Variants in CDKAL1 observed in about 807,000 individuals in gnomAD.
The protein encoded by CDKAL1 is threonylcarbamoyladenosine tRNA methylthiotransferase.
A neutral mutation model predicts 68.2 loss-of-function variants in CDKAL1; 32 were observed. The observed-to-expected ratio is 0.47, with a 90% CI of 0.35 to 0.63. CDKAL1 has a LOEUF of 0.63. CDKAL1 is among the 30% of genes least tolerant of loss of function. The probability of loss-of-function intolerance (pLI) is 0.00; values close to 1 mark genes in which losing one functional copy is unlikely to be tolerated. For synonymous variants in CDKAL1, 234 were observed against 244.3 expected, an observed-to-expected ratio of 0.96 and a Z score of 0.39; for missense variants, 606 against 696.7, an observed-to-expected ratio of 0.87 and a Z score of 1.47.
At chr6:20,968,141 T>C (rs2150749400) in intron 10 of CDKAL1, among the ~76,000 whole-genome samples, 2 of 151,666 alleles carry the variant, frequency 1.3e-5, no homozygotes, top group East Asian at 3.9e-4. Context: ...ATTAATGTTC[T>C]TTTTTGTTCT....
chr6:20,585,183 A>T (rs2127694174), intron 4 of CDKAL1, among the ~76,000 whole-genome samples: 1 of 148,428 alleles, frequency 6.7e-6, no homozygotes, highest in Admixed American at 6.8e-5. Flanking sequence ...CAGCCTCCCC[A>T]GTAGCTGGGA....
At chr6:20,784,412 CTTTTTTTTTTTTTTTTT>C (rs1175015329) in intron 8 of CDKAL1, among the ~76,000 whole-genome samples, 2 of 33,494 alleles carry the variant, frequency 6.0e-5, no homozygotes, top group African/African-American at 1.2e-4. Flanking sequence ...TATTTTATTT[CTTTTTTTTTTTTTTTTT>C]TTTTTTTTTT....
At chr6:20,987,838 G>A (rs1442885437) in intron 10 of CDKAL1, among the ~76,000 whole-genome samples, 1 of 151,832 alleles carries the variant, frequency 6.6e-6, no homozygotes, top group Non-Finnish European at 1.5e-5. Context: ...GGAGTGTAGT[G>A]GCACAATCAC....
At position 21,198,524 on chromosome 6, in the gene CDKAL1, G is replaced by C. The variant is rs142966990; in HGVS notation, c.1383+420G>C. 3.3e-3 allele frequency among the ~76,000 whole-genome samples: 507 copies of C among 152,210 alleles called. 3 individuals carry two copies. Among genetic ancestry groups the C allele is most frequent in the African/African-American group, 0.011 (443 of 41,502 alleles). ...CATCACCCGGACAGTTTTTTTAGTT[G>C]GTTGGTTGATTGGTTGGTTGGTTGG... On this transcript the variant is annotated intron_variant, in intron 14 of 15. Transcript: ENST00000274695.
chr6:20,635,477 T>A (rs1767862396), intron 4 of CDKAL1, among the ~76,000 whole-genome samples: 1 of 123,812 alleles, frequency 8.1e-6, no homozygotes. Context: ...CAGAAGTGTT[T>A]TTGATTTTGG....
chr6:20,699,905 G>A (rs1490322426), intron 5 of CDKAL1, among the ~76,000 whole-genome samples: 11 of 152,166 alleles, frequency 7.2e-5, no homozygotes, highest in Non-Finnish European at 2.9e-5. Flanking sequence ...CTAAATTGTA[G>A]CAGTAGTGAC....
At chr6:20,581,048 CA>C (rs1765125455) in intron 4 of CDKAL1, among the ~76,000 whole-genome samples, 1 of 152,154 alleles carries the variant, frequency 6.6e-6, no homozygotes. Context: ...CTTGGCCTCC[CA>C]AAGTGCTGGG....
intron 13 of CDKAL1, among the ~76,000 whole-genome samples, chr6:21,142,315 A>G (rs1775958166): frequency 2.4e-5 from 1 of 41,920 alleles, no homozygotes; most frequent in East Asian, 2.4e-4. Context: ...CTGCCATATG[A>G]AAAAAAAAAA....
chr6:21,184,482 C>T (rs1777926303), intron 13 of CDKAL1, among the ~76,000 whole-genome samples: 1 of 152,068 alleles, frequency 6.6e-6, no homozygotes, highest in Non-Finnish European at 1.5e-5. Context: ...AGGCGTGAGC[C>T]ACCACGCAGA....
chr6:20,949,957 T>A (rs1410473099), intron 9 of CDKAL1, among the ~76,000 whole-genome samples: 1 of 151,960 alleles, frequency 6.6e-6, no homozygotes, highest in African/African-American at 2.4e-5. Flanking sequence ...GCCTGGCTAA[T>A]TTTTGTATTT....
intron 8 of CDKAL1, among the ~76,000 whole-genome samples, chr6:20,831,128 C>A (rs909951201): frequency 2.0e-5 from 3 of 152,086 alleles, no homozygotes; most frequent in Middle Eastern, 3.2e-3. Context: ...CTCAAACACA[C>A]CTTTATTAAT....
intron 10 of CDKAL1, among the ~76,000 whole-genome samples, chr6:20,968,489 T>G (rs1765439276): frequency 6.6e-6 from 1 of 152,070 alleles, no homozygotes; most frequent in Non-Finnish European, 1.5e-5. Flanking sequence ...TTAGAGAGGT[T>G]TTGGCCACTA....
intron 4 of CDKAL1, among the ~76,000 whole-genome samples, chr6:20,616,354 C>G: frequency 6.8e-6 from 1 of 147,212 alleles, no homozygotes; most frequent in Non-Finnish European, 1.5e-5. Flanking sequence ...GGCATTGAAT[C>G]TGTAAATTAC....
intron 6 of CDKAL1, among the ~76,000 whole-genome samples, chr6:20,754,554 G>A (rs950394030): frequency 7.2e-5 from 11 of 152,258 alleles, no homozygotes; most frequent in African/African-American, 2.6e-4. Context: ...GGCTAATGAT[G>A]TTGAGCATCT....
At chr6:20,721,236 T>A (rs148504036) in intron 5 of CDKAL1, among the ~76,000 whole-genome samples, 67 of 152,160 alleles carry the variant, frequency 4.4e-4, no homozygotes, top group Middle Eastern at 6.8e-3. Context: ...CTTGAGATAG[T>A]TTGCTAAGAA....
chr6:21,149,446 C>G (rs904403643), intron 13 of CDKAL1, among the ~76,000 whole-genome samples: 2 of 151,672 alleles, frequency 1.3e-5, no homozygotes, highest in African/African-American at 4.8e-5. Flanking sequence ...ACGCCTGGCC[C>G]CAAAAAACAT....
chr6:20,595,624 C>T (rs1326598803), intron 4 of CDKAL1, among the ~76,000 whole-genome samples: 1 of 152,020 alleles, frequency 6.6e-6, no homozygotes, highest in Non-Finnish European at 1.5e-5. Flanking sequence ...GAACATGCTC[C>T]TTTAGCTCAT....
intron 4 of CDKAL1, among the ~76,000 whole-genome samples, chr6:20,618,751 T>A (rs969531259): frequency 6.6e-6 from 1 of 152,056 alleles, no homozygotes; most frequent in African/African-American, 2.4e-5. Context: ...CAGTCTTGGC[T>A]CACTCTAGCC....
chr6:20,594,408 T>A (rs1353817637), intron 4 of CDKAL1, among the ~76,000 whole-genome samples: 1 of 152,262 alleles, frequency 6.6e-6, no homozygotes, highest in East Asian at 1.9e-4. Context: ...TCTTGTTGCG[T>A]TGATCCCTTT....
Sources: gnomAD v4.1 joint callset for allele counts (sites outside exome capture counted in the v4.1 genomes callset) on GRCh38, gnomAD v4.1.1 for gene constraint, MANE v1.5 for transcripts, NCBI Gene and HGNC (gene_info 2026-07-23, HGNC 2026-07-21) for gene names.